The following RAD51B variants were observed in gnomAD, a reference collection of about 807,000 sequenced individuals.
RAD51B encodes the protein RAD51 paralog B.
RAD51B carries 38 observed loss-of-function variants against 42.2 expected under a neutral mutation model. The observed-to-expected ratio is 0.90, with a 90% CI of 0.70 to 1.18. RAD51B has a LOEUF of 1.18. RAD51B is among the 50% of genes most tolerant of loss of function. The pLI, the probability that RAD51B is intolerant of heterozygous loss-of-function variation, is 0.00. For synonymous variants in RAD51B, 154 were observed against 145.2 expected (o/e 1.06, Z -0.43); for missense variants, 373 against 400.7 (o/e 0.93, Z 0.59).
At chr14:68,571,915 A>G (rs1398727636) in intron 10 of RAD51B, among the ~76,000 whole-genome samples, 2 of 152,176 alleles carry the variant, frequency 1.3e-5, no homozygotes, top group African/African-American at 4.8e-5. Flanking sequence ...AGCAGCCGCT[A>G]AGGGGAAGAA....
At chr14:68,374,875 G>A (rs139601723) in intron 8 of RAD51B, among the ~76,000 whole-genome samples, 5 of 151,216 alleles carry the variant, frequency 3.3e-5, no homozygotes, top group African/African-American at 1.2e-4. Flanking sequence ...ATTCCTATTG[G>A]CATCTGAATG....
At chr14:67,963,490 GAATA>G (rs1209183767) in intron 7 of RAD51B, among the ~76,000 whole-genome samples, 1 of 152,068 alleles carries the variant, frequency 6.6e-6, no homozygotes, top group African/African-American at 2.4e-5. Context: ...TCTGAAAAAT[GAATA>G]AATACTTACG....
chr14:68,543,818 G>A (rs989588259), intron 10 of RAD51B, among the ~76,000 whole-genome samples: 1 of 152,218 alleles, frequency 6.6e-6, no homozygotes, highest in African/African-American at 2.4e-5. Context: ...TAAGGCAATT[G>A]AGGCATATTA....
At chr14:67,884,068 G>A (rs1034977205) in intron 5 of RAD51B, among the ~76,000 whole-genome samples, 4 of 152,144 alleles carry the variant, frequency 2.6e-5, no homozygotes, top group Non-Finnish European at 5.9e-5. Flanking sequence ...GAGGCATGTC[G>A]AATATTGCAT....
At chr14:68,429,599 G>GT (rs1566878991) in intron 9 of RAD51B, among the ~76,000 whole-genome samples, 2 of 152,090 alleles carry the variant, frequency 1.3e-5, no homozygotes, top group South Asian at 2.1e-4. Context: ...TTTTGATGGG[G>GT]TTTTTTTCCT....
At chr14:67,908,529 A>G (rs1363788421) in intron 7 of RAD51B, 1 of 148,532 alleles carries the variant, frequency 6.7e-6, no homozygotes, top group Non-Finnish European at 1.5e-5. Flanking sequence ...TTAACTGAGG[A>G]TGGGAGATTA....
At chr14:68,086,070 G>A (rs756558659) in intron 7 of RAD51B, among the ~76,000 whole-genome samples, 8 of 152,194 alleles carry the variant, frequency 5.3e-5, no homozygotes, top group Non-Finnish European at 7.3e-5. Context: ...TGGAGTTCTT[G>A]CCTTGGTGTA....
rs1415914856 is a variant in RAD51B at position 68,195,881 on chromosome 14, C to T, written c.757-96003C>T. ...CGAGATCACACCATTGCACTCCAGC[C>T]TGGGCCACAAGAGCAGAGCTCTGTT... On this transcript the variant is annotated intron_variant, in intron 7 of 10. Transcript: ENST00000471583. Among the ~76,000 whole-genome samples, 3 of 145,072 alleles carry T rather than the reference C, an allele frequency of 2.1e-5. No homozygotes were observed. The Admixed American group carries it at 2.1e-4, about 10-fold the overall frequency.
chr14:68,045,236 CAAAAAAAAA>C (rs537073885), intron 7 of RAD51B, among the ~76,000 whole-genome samples: 285 of 22,086 alleles, frequency 0.013, 3 homozygotes, highest in African/African-American at 0.049. Flanking sequence ...AACTCTGTCT[CAAAAAAAAA>C]AAAAAAAAAA....
chr14:68,568,118 T>C (rs1339729448), intron 10 of RAD51B, among the ~76,000 whole-genome samples: 1 of 152,142 alleles, frequency 6.6e-6, no homozygotes, highest in Non-Finnish European at 1.5e-5. Context: ...TAACCACCAA[T>C]GATACAAAAA....
intron 10 of RAD51B, among the ~76,000 whole-genome samples, chr14:68,542,224 G>T (rs1214707224): frequency 6.6e-6 from 1 of 151,964 alleles, no homozygotes; most frequent in Admixed American, 6.6e-5. Context: ...CTTATATCTA[G>T]TAGTTTTCAT....
intron 8 of RAD51B, among the ~76,000 whole-genome samples, chr14:68,400,342 C>A (rs1022366099): frequency 2.6e-5 from 4 of 152,178 alleles, no homozygotes; most frequent in Non-Finnish European, 4.4e-5. Flanking sequence ...TTGCACCCTT[C>A]CCAGCTCTCT....
intron 11 of RAD51B, among the ~76,000 whole-genome samples, chr14:68,661,643 C>G (rs1302270782): frequency 6.6e-6 from 1 of 152,206 alleles, no homozygotes; most frequent in African/African-American, 2.4e-5. Context: ...GAAGTGTTAG[C>G]ATGAAGGGGG....
chr14:68,357,248 T>C (rs56758822), intron 8 of RAD51B, among the ~76,000 whole-genome samples: 14,975 of 152,230 alleles, frequency 0.098, 836 homozygotes, highest in African/African-American at 0.14. Context: ...CTTTCTTTGC[T>C]TATCCAAAAG....
In RAD51B at chr14:68,331,367, C is replaced by CAAAAAAAAAAAAAAAAAAAA. The variant is rs778136542; in HGVS notation, c.853+39405_853+39406insAAAAAAAAAAAAAAAAAAAA. On this transcript the variant is annotated intron_variant, in intron 8 of 10. Coordinates refer to ENST00000471583, the MANE Select transcript of RAD51B (RefSeq NM_133510.4). Reference sequence around the variant, plus strand: ...TGGGCTACAGAACGAGACTCTGTCTCAAAAAAAAAAAAAAAAAAGCAATGG... The same window carrying CAAAAAAAAAAAAAAAAAAAA: ...TGGGCTACAGAACGAGACTCTGTCTCAAAAAAAAAAAAAAAAAAAAAAAAAAAAAAAAAAAAAAGCAATGG... Among the ~76,000 whole-genome samples, 82 of 32,924 alleles carry CAAAAAAAAAAAAAAAAAAAA rather than the reference C, an allele frequency of 2.5e-3. 15 individuals are homozygous for CAAAAAAAAAAAAAAAAAAAA. The highest frequency in any genetic ancestry group is 0.016 in the Middle Eastern group (1 of 62). The allele number at this position is 32,924 out of a possible 152,430, so 21.6% of individuals were successfully genotyped here.
intron 10 of RAD51B, among the ~76,000 whole-genome samples, chr14:68,513,448 G>C (rs187229864): frequency 6.6e-6 from 1 of 152,240 alleles, no homozygotes; most frequent in African/African-American, 2.4e-5. Context: ...ATGGGCCATG[G>C]TGGGCTCTGG....
intron 7 of RAD51B, among the ~76,000 whole-genome samples, chr14:68,087,612 C>T (rs955428296): frequency 1.8e-4 from 27 of 151,346 alleles, no homozygotes; most frequent in Admixed American, 1.7e-3. Flanking sequence ...CTGGCTCCAT[C>T]GGTGATTGAG....
chr14:67,976,026 A>G (rs1049292608), intron 7 of RAD51B, among the ~76,000 whole-genome samples: 2 of 149,808 alleles, frequency 1.3e-5, no homozygotes, highest in Non-Finnish European at 3.0e-5. Context: ...CAAATTCTTT[A>G]TGTTTCTTGC....
chr14:68,074,205 C>T (rs763621093), intron 7 of RAD51B, among the ~76,000 whole-genome samples: 1 of 152,194 alleles, frequency 6.6e-6, no homozygotes, highest in African/African-American at 2.4e-5. Context: ...CCATATTTCA[C>T]AGAGACTTTG....
Sources: gnomAD v4.1 joint callset for allele counts (sites outside exome capture counted in the v4.1 genomes callset) on GRCh38, gnomAD v4.1.1 for gene constraint, MANE v1.5 for transcripts, NCBI Gene and HGNC (gene_info 2026-07-23, HGNC 2026-07-21) for gene names.